Variants in EIF2B3 observed in about 807,000 individuals in gnomAD.
EIF2B3 encodes eukaryotic translation initiation factor 2B subunit gamma.
EIF2B3 carries 20 observed loss-of-function variants against 54.1 expected under a neutral mutation model. That is an observed-to-expected ratio of 0.37 (90% CI 0.26 to 0.54). The LOEUF (loss-of-function observed/expected upper bound fraction) is 0.54, where lower values mean the gene tolerates loss of function less well. Ranked by LOEUF, EIF2B3 falls within the 20% of genes least tolerant of loss-of-function variation. The probability of loss-of-function intolerance (pLI) is 0.86; values close to 1 mark genes in which losing one functional copy is unlikely to be tolerated. For synonymous variants in EIF2B3, 153 were observed against 188.1 expected (o/e 0.81, Z 1.52); for missense variants, 448 against 547.8 (o/e 0.82, Z 1.82).
At chr1:44,975,178 T>C (rs1179968720) in intron 3 of EIF2B3, among the ~76,000 whole-genome samples, 3 of 151,926 alleles carry the variant, frequency 2.0e-5, no homozygotes, top group Non-Finnish European at 2.9e-5. Flanking sequence ...ATCACACCAC[T>C]GCACTCCAGC....
intron 4 of EIF2B3, among the ~76,000 whole-genome samples, chr1:44,937,794 G>T (rs423034): frequency 2.0e-5 from 3 of 147,614 alleles, no homozygotes; most frequent in Non-Finnish European, 4.5e-5. Flanking sequence ...TGAGGCAGGA[G>T]AATGCCGTGA....
At chr1:44,952,919 T>C (rs890402195) in intron 3 of EIF2B3, among the ~76,000 whole-genome samples, 4 of 152,310 alleles carry the variant, frequency 2.6e-5, no homozygotes, top group Admixed American at 2.0e-4. Flanking sequence ...TCATCTACTC[T>C]AAAAATGCCA....
At chr1:44,938,503 T>TCTCTCTCTG (rs142346384) in intron 4 of EIF2B3, among the ~76,000 whole-genome samples, 1 of 139,780 alleles carries the variant, frequency 7.2e-6, no homozygotes, top group African/African-American at 2.9e-5. Flanking sequence ...TCTCTCTCTG[T>TCTCTCTCTG]TTTTTTTTGG....
chr1:44,877,205 A>AAAC, intron 8 of EIF2B3, among the ~76,000 whole-genome samples: 1 of 146,966 alleles, frequency 6.8e-6, no homozygotes, highest in Admixed American at 6.8e-5. Flanking sequence ...AAAAAAAAAA[A>AAAC]AAAAAAAAAA....
chr1:44,954,565 C>T (rs996939323), intron 3 of EIF2B3, among the ~76,000 whole-genome samples: 19 of 152,260 alleles, frequency 1.2e-4, no homozygotes, highest in Non-Finnish European at 2.2e-4. Flanking sequence ...GATTTTTGCA[C>T]ATTGATTTTG....
intron 3 of EIF2B3, among the ~76,000 whole-genome samples, chr1:44,975,536 T>C (rs1204257448): frequency 6.6e-6 from 1 of 152,164 alleles, no homozygotes; most frequent in East Asian, 1.9e-4. Flanking sequence ...TTTAAACATA[T>C]CTAAACATAG....
intron 4 of EIF2B3, among the ~76,000 whole-genome samples, chr1:44,934,221 C>T (rs111586297): frequency 0.17 from 25,733 of 151,512 alleles, 2,286 homozygotes; most frequent in Non-Finnish European, 0.18. Context: ...GATGGTAAAA[C>T]CTCGTCTTTA....
intron 3 of EIF2B3, chr1:44,958,764 G>C: frequency 1.3e-6 from 2 of 1,523,130 alleles, no homozygotes; most frequent in Non-Finnish European, 1.8e-6. Context: ...CAATCCATCA[G>C]AGAAATATAA....
intron 11 of EIF2B3, among the ~76,000 whole-genome samples, chr1:44,856,195 G>C (rs777381482): frequency 5.9e-5 from 9 of 152,112 alleles, no homozygotes; most frequent in Non-Finnish European, 1.3e-4. Flanking sequence ...CTCCAAGGTA[G>C]CTATTATTGT....
intron 3 of EIF2B3, chr1:44,969,949 C>T (rs1324517339): frequency 6.6e-6 from 1 of 152,100 alleles, no homozygotes; most frequent in Non-Finnish European, 1.5e-5. Flanking sequence ...ATGTTATCAA[C>T]GTCAGTTGTA....
chr1:44,945,726 C>A (rs1051934575), intron 3 of EIF2B3, among the ~76,000 whole-genome samples: 4 of 152,080 alleles, frequency 2.6e-5, no homozygotes, highest in Non-Finnish European at 4.4e-5. Context: ...GACAAGGAGA[C>A]AAATCATTAC....
At chr1:44,927,525 C>T (rs1643865367) in intron 4 of EIF2B3, among the ~76,000 whole-genome samples, 1 of 152,148 alleles carries the variant, frequency 6.6e-6, no homozygotes, top group Non-Finnish European at 1.5e-5. Context: ...CTGGGGATTA[C>T]ATTTCAACAA....
chr1:44,968,354 T>A, intron 3 of EIF2B3, among the ~76,000 whole-genome samples: 1 of 145,864 alleles, frequency 6.9e-6, no homozygotes. Context: ...AGAGTGAGAC[T>A]CTGCCTCTTA....
Position 44,874,744 on chromosome 1 carries a change from C to G in EIF2B3, c.1136G>C (p.Cys379Ser), listed in dbSNP as rs142651157. The change falls in exon 10 of 12, where the codon TGT (cysteine) becomes TCT (serine). Residue 379 changes from cysteine to serine, a missense_variant. This residue lies in a region of EIF2B3 where 350 missense variants were observed against 414.2 expected (regional missense o/e 0.85). Coordinates refer to ENST00000360403, the MANE Select transcript of EIF2B3 (RefSeq NM_020365.5). Reference sequence around the variant, plus strand: ...AATAGTCACTCTATCTTTTATGAGACAGGATGAGCCAATGACTGAGCGCTT... The same window carrying G: ...AATAGTCACTCTATCTTTTATGAGAGAGGATGAGCCAATGACTGAGCGCTT... ...SIKRSVIGSSCLIKDRVTITN... is the reference protein window; with the variant it reads ...SIKRSVIGSSSLIKDRVTITN... 2 of 1,614,108 alleles carry G rather than the reference C, an allele frequency of 1.2e-6. No homozygotes were observed. The highest frequency in any genetic ancestry group is 1.3e-5 in the African/African-American group (1 of 75,026).
intron 3 of EIF2B3, among the ~76,000 whole-genome samples, chr1:44,948,674 C>CA (rs1644129587): frequency 6.6e-6 from 1 of 152,012 alleles, no homozygotes; most frequent in South Asian, 2.1e-4. Flanking sequence ...TCCTCTGGTA[C>CA]TTAATTCTGT....
intron 11 of EIF2B3, among the ~76,000 whole-genome samples, chr1:44,854,035 C>T (rs976088544): frequency 3.5e-5 from 5 of 142,182 alleles, no homozygotes; most frequent in African/African-American, 1.4e-4. Context: ...TGGAGTCTTG[C>T]TCTGTTGCCC....
At chr1:44,936,265 G>A (rs1643945585) in intron 4 of EIF2B3, among the ~76,000 whole-genome samples, 1 of 151,928 alleles carries the variant, frequency 6.6e-6, no homozygotes, top group Non-Finnish European at 1.5e-5. Flanking sequence ...CTAGAAAGCA[G>A]GGCTGTTTGA....
chr1:44,876,184 G>A (rs1406219646), intron 8 of EIF2B3, among the ~76,000 whole-genome samples: 2 of 152,036 alleles, frequency 1.3e-5, no homozygotes, highest in Non-Finnish European at 2.9e-5. Flanking sequence ...TGAGATTGCA[G>A]CCTCTGCCCG....
chr1:44,857,135 T>C (rs1335593270), intron 11 of EIF2B3, among the ~76,000 whole-genome samples: 2 of 152,180 alleles, frequency 1.3e-5, no homozygotes, highest in African/African-American at 2.4e-5. Flanking sequence ...ATTAGATCTA[T>C]TGATATGTTT....
Sources: gnomAD v4.1 joint callset for allele counts (sites outside exome capture counted in the v4.1 genomes callset) on GRCh38, gnomAD v4.1.1 for gene constraint, gnomAD v4.1.1 regional missense constraint, MANE v1.5 for transcripts, NCBI Gene and HGNC (gene_info 2026-07-23, HGNC 2026-07-21) for gene names.